Variants in CPEB3 observed in about 807,000 individuals in gnomAD.
The protein encoded by CPEB3 is cytoplasmic polyadenylation element binding protein 3.
Under a neutral mutation model 67.2 loss-of-function variants are expected in CPEB3, and 20 were observed. The ratio of observed to expected loss-of-function variants is 0.30; its 90% CI spans 0.21 to 0.43. The LOEUF (loss-of-function observed/expected upper bound fraction) is 0.43. Ranked by LOEUF, CPEB3 falls within the 20% of genes least tolerant of loss-of-function variation. The probability of loss-of-function intolerance (pLI) is 1.00; values close to 1 mark genes in which losing one functional copy is unlikely to be tolerated. For missense variants in CPEB3, 746 were observed against 968.6 expected, an observed-to-expected ratio of 0.77 and a Z score of 3.05; for synonymous variants, 376 against 393.1, an observed-to-expected ratio of 0.96 and a Z score of 0.51.
rs754439991 is a variant in CPEB3 at position 92,239,740 on chromosome 10, C to T, written c.611G>A (p.Arg204Lys). The T allele has an allele frequency of 2.7e-6, 4 of 1,502,972 alleles. No individual in the cohort carries two copies. The highest frequency in any genetic ancestry group is 5.1e-5 in the East Asian group (2 of 39,064). 93.1% of individuals were successfully genotyped at this position (1,502,972 alleles called of 1,614,324 possible). A position where few individuals can be genotyped will look rare whatever the true frequency, so the allele number is the denominator to read the frequency against. Residue 204 changes from arginine to lysine, a missense_variant, in exon 2 of 10, where the codon AGG (arginine) becomes AAG (lysine). By Grantham distance (26) the Arg-to-Lys change is conservative. This residue lies in a region of CPEB3 where 643 missense variants were observed against 717.5 expected (regional missense o/e 0.90). Coordinates refer to ENST00000265997, the MANE Select transcript of CPEB3 (RefSeq NM_014912.5). The surrounding 1 kb of genome is among the most constrained non-coding windows in gnomAD (Gnocchi z 6.0). ...GTGGCCGTACGCCGCGGCGGCGCTC[C>T]TCTGCGCGTAGGGCGCCTGGCTGGG... ...ASPSQAPYAQ[R>K]SAAAAYGHQP...
rs560405567 is a variant in CPEB3 at position 92,230,130 on chromosome 10, T to C, written c.1005+9216A>G. On this transcript the variant is annotated intron_variant, in intron 2 of 9. Transcript: ENST00000265997. ...CATGTAAAGATAAAGGACAAAATTATAACTTGGTTTAAATGTTCATTCATT... is the reference window on the plus strand; with the variant it reads ...CATGTAAAGATAAAGGACAAAATTACAACTTGGTTTAAATGTTCATTCATT... Among the ~76,000 whole-genome samples, 9 of 152,326 alleles carry C rather than the reference T, an allele frequency of 5.9e-5. No homozygotes were observed. In the South Asian group the frequency reaches 1.7e-3, roughly 28 times the overall value.
intron 6 of CPEB3, among the ~76,000 whole-genome samples, chr10:92,140,502 C>T (rs1306487462): frequency 1.3e-5 from 2 of 152,078 alleles, no homozygotes; most frequent in Admixed American, 6.5e-5. Context: ...AAGACTTAAA[C>T]ATCAGACCTA....
intron 4 of CPEB3, among the ~76,000 whole-genome samples, chr10:92,158,904 G>A (rs1386913624): frequency 6.6e-6 from 1 of 152,194 alleles, no homozygotes; most frequent in African/African-American, 2.4e-5. Context: ...AGAGTGGAAA[G>A]TTTCTCAAAT....
At chr10:92,205,427 TATCTTTTTTTACAG>T (rs1461760843) in intron 2 of CPEB3, among the ~76,000 whole-genome samples, 1 of 151,730 alleles carries the variant, frequency 6.6e-6, no homozygotes, top group East Asian at 1.9e-4. Flanking sequence ...GATATTACAA[TATCTTTTTTTACAG>T]ATGAGGAAAC....
At chr10:92,108,235 C>T (rs1468902283) in intron 7 of CPEB3, among the ~76,000 whole-genome samples, 4 of 152,056 alleles carry the variant, frequency 2.6e-5, no homozygotes, top group Non-Finnish European at 5.9e-5. Context: ...GCTAGCCAAG[C>T]CAAAAGCTGG....
At chr10:92,185,643 C>T (rs563486420) in intron 3 of CPEB3, among the ~76,000 whole-genome samples, 1 of 152,132 alleles carries the variant, frequency 6.6e-6, no homozygotes, top group Non-Finnish European at 1.5e-5. Context: ...AACTGCTGTA[C>T]CTTCCTCTAA....
At chr10:92,261,794 G>A (rs1451758894) in intron 1 of CPEB3, among the ~76,000 whole-genome samples, 1 of 152,150 alleles carries the variant, frequency 6.6e-6, no homozygotes, top group East Asian at 1.9e-4. Context: ...GCAGGCAACA[G>A]CACTTAGGAT....
chr10:92,071,070 T>TAC (rs58497259), intron 9 of CPEB3, among the ~76,000 whole-genome samples: 3,138 of 147,680 alleles, frequency 0.021, 38 homozygotes, highest in African/African-American at 0.033. Context: ...CACTTTCATT[T>TAC]ACACACACAC....
At chr10:92,057,274 G>C (rs946150400) in intron 9 of CPEB3, among the ~76,000 whole-genome samples, 9 of 152,192 alleles carry the variant, frequency 5.9e-5, no homozygotes, top group Non-Finnish European at 1.3e-4. Flanking sequence ...TACTTACCAC[G>C]AGCTGACTTA....
At chr10:92,210,766 G>A (rs61875221) in intron 2 of CPEB3, among the ~76,000 whole-genome samples, 33,791 of 152,228 alleles carry the variant, frequency 0.22, 4,715 homozygotes, top group Middle Eastern at 0.34. Flanking sequence ...GGCCAGGCGT[G>A]GTGGCTCATG....
At chr10:92,087,786 G>T (rs1192610392) in intron 8 of CPEB3, among the ~76,000 whole-genome samples, 1 of 152,124 alleles carries the variant, frequency 6.6e-6, no homozygotes, top group African/African-American at 2.4e-5. Context: ...TATGCAACAG[G>T]GCTATTTCTG....
At chr10:92,244,429 A>C (rs1590514944) in intron 1 of CPEB3, among the ~76,000 whole-genome samples, 1 of 149,516 alleles carries the variant, frequency 6.7e-6, no homozygotes, top group South Asian at 2.1e-4. Context: ...TTTAAGACAA[A>C]CAGTAGATAC....
intron 4 of CPEB3, among the ~76,000 whole-genome samples, chr10:92,158,450 C>A (rs1847309590): frequency 6.6e-6 from 1 of 152,074 alleles, no homozygotes; most frequent in Non-Finnish European, 1.5e-5. Context: ...ATTATTCATT[C>A]TAAATAACTA....
At chr10:92,288,448 C>CT in intron 1 of CPEB3, among the ~76,000 whole-genome samples, 1 of 122,990 alleles carries the variant, frequency 8.1e-6, no homozygotes, top group East Asian at 2.3e-4. Flanking sequence ...AAGCGAGACT[C>CT]TGTCTCAAAA....
intron 1 of CPEB3, among the ~76,000 whole-genome samples, chr10:92,267,529 G>A (rs1389405236): frequency 6.6e-6 from 1 of 152,212 alleles, no homozygotes; most frequent in African/African-American, 2.4e-5. Context: ...GAATCCCCTG[G>A]AGAGTTGTAA....
chr10:92,144,810 T>G, intron 5 of CPEB3, 135 bp downstream of exon 5: 1 of 711,592 alleles, frequency 1.4e-6, no homozygotes, highest in Non-Finnish European at 2.4e-6. Context: ...TACCACTTTC[T>G]AATCCACCAA....
chr10:92,230,295 A>C (rs1166121653), intron 2 of CPEB3, among the ~76,000 whole-genome samples: 1 of 152,166 alleles, frequency 6.6e-6, no homozygotes, highest in African/African-American at 2.4e-5. Flanking sequence ...ATGAGTTTGA[A>C]TGCTTGAGGA....
At chr10:92,159,628 TGCCACTGCACTCCA>T (rs1564826514) in intron 4 of CPEB3, among the ~76,000 whole-genome samples, 1 of 150,130 alleles carries the variant, frequency 6.7e-6, no homozygotes, top group East Asian at 2.0e-4. Flanking sequence ...GCCGAGATCA[TGCCACTGCACTCCA>T]GCCTGGGTGA....
chr10:92,288,693 G>C (rs188116161), intron 1 of CPEB3, among the ~76,000 whole-genome samples: 10 of 152,240 alleles, frequency 6.6e-5, no homozygotes, highest in Admixed American at 3.9e-4. Flanking sequence ...GTATAATAAG[G>C]TCAAGGTGCA....
Sources: gnomAD v4.1 joint callset for allele counts (sites outside exome capture counted in the v4.1 genomes callset) on GRCh38, gnomAD v4.1.1 for gene constraint, gnomAD v4.1.1 regional missense constraint, Gnocchi (gnomAD v3.1) non-coding constraint, MANE v1.5 for transcripts, NCBI Gene and HGNC (gene_info 2026-07-23, HGNC 2026-07-21) for gene names.